The following CNTROB variants were observed in gnomAD, a reference collection of about 807,000 sequenced individuals.
CNTROB encodes centrobin.
Under a neutral mutation model 115.7 loss-of-function variants are expected in CNTROB, and 82 were observed. That is an observed-to-expected ratio of 0.71 (90% CI 0.59 to 0.85). The LOEUF (loss-of-function observed/expected upper bound fraction) is 0.85, where lower values mean the gene tolerates loss of function less well. Ranked by LOEUF, CNTROB falls within the 40% of genes least tolerant of loss-of-function variation. The probability of loss-of-function intolerance (pLI) is 0.00; values close to 1 mark genes in which losing one functional copy is unlikely to be tolerated. For missense variants in CNTROB, 1,014 were observed against 1,144.4 expected, an observed-to-expected ratio of 0.89 and a Z score of 1.64; for synonymous variants, 439 against 456.4, an observed-to-expected ratio of 0.96 and a Z score of 0.49.
Position 7,949,117 on chromosome 17 carries a change from G to A in CNTROB, c.2546G>A (p.Arg849Lys), listed in dbSNP as rs1164916151. 1.2e-6 allele frequency: 2 copies of A among 1,614,012 alleles called. No homozygotes were observed. Among genetic ancestry groups the A allele is most frequent in the Non-Finnish European group, 1.7e-6 (2 of 1,180,014 alleles). Residue 849 changes from arginine to lysine, a missense_variant, in exon 18 of 19, where the codon AGG becomes AAG. Arg to Lys is a conservative substitution (Grantham distance 26). Transcript: ENST00000563694. ...TDGRGDNVPR[R>K]NTDSRLGEIP... The stretch of plus-strand genomic sequence containing the variant: ...GGCCGAGGGGATAATGTCCCCAGAA[G>A]GAACACAGACTCCCGCTTGGGTGAG...
intron 9 of CNTROB, 85 bp downstream of exon 9, chr17:7,940,327 C>T: frequency 7.7e-7 from 1 of 1,305,804 alleles, no homozygotes; most frequent in South Asian, 1.5e-5. Context: ...GTGGCAGACA[C>T]TCCCAGTTCA....
Position 7,939,461 on chromosome 17 carries a change from G to A in CNTROB, c.928-52G>A, listed in dbSNP as rs1973583797. On this transcript the variant is annotated intron_variant, in intron 7 of 18. Coordinates refer to ENST00000563694, the MANE Select transcript of CNTROB (RefSeq NM_053051.5). The surrounding 1 kb of genome is among the most constrained non-coding windows in gnomAD (Gnocchi z 4.4). ...TTGTATGAGGGTCAGAGGGCAGATC[G>A]CTGGTCTCTGAAGAGCCTACTAAGG... The A allele has an allele frequency of 2.7e-6, 4 of 1,461,680 alleles. No individual in the cohort carries two copies. The highest frequency in any genetic ancestry group is 1.4e-5 in the African/African-American group (1 of 71,786). The allele number at this position is 1,461,680 out of a possible 1,614,324, so 90.5% of individuals were successfully genotyped here.
At chr17:7,936,225 T>C (rs1973145622) in intron 4 of CNTROB, 141 bp from the exon 5 acceptor site, 1 of 664,338 alleles carries the variant, frequency 1.5e-6, no homozygotes, top group African/African-American at 1.8e-5. Flanking sequence ...TTTTCCTGAT[T>C]CTCCCTCTCC....
chr17:7,941,087 G>A (rs1973801682), intron 9 of CNTROB, among the ~76,000 whole-genome samples: 1 of 152,218 alleles, frequency 6.6e-6, no homozygotes, highest in Non-Finnish European at 1.5e-5. Flanking sequence ...CCAGCCCATG[G>A]GGGAGACACA....
chr17:7,936,756 T>A lies in CNTROB; in HGVS notation c.767T>A (p.Val256Asp). 6.3e-7 allele frequency: 1 copy of A among 1,575,918 alleles called. No individual in the cohort carries two copies. Among genetic ancestry groups the A allele is most frequent in the Non-Finnish European group, 8.7e-7 (1 of 1,145,138 alleles). The change falls in exon 6 of 19, where the codon GTT (valine) becomes GAT (aspartate). Residue 256 changes from valine to aspartate, a missense_variant. Coordinates refer to ENST00000563694, the MANE Select transcript of CNTROB (RefSeq NM_053051.5). ...CGGCATGAGGCTGAGCGGACAGAGG[T>A]TCTCAGGGGACTTCAAGAGGAACAC... The part of the protein sequence containing the change: ...WNRHEAERTE[V>D]LRGLQEEHQA...
At chr17:7,936,848 C>A (rs781636883) in intron 6 of CNTROB, 31 bp downstream of exon 6, 3 of 895,360 alleles carry the variant, frequency 3.4e-6, no homozygotes, top group African/African-American at 1.6e-5. Flanking sequence ...GGCATTAGAA[C>A]CTGAGTCACA....
At position 7,943,568 on chromosome 17, in the gene CNTROB, G is replaced by A. The variant is rs746572544; in HGVS notation, c.1445+44G>A. On this transcript the variant is annotated intron_variant, in intron 10 of 18. Coordinates refer to ENST00000563694, the MANE Select transcript of CNTROB (RefSeq NM_053051.5). The surrounding 1 kb of genome is among the most constrained non-coding windows in gnomAD (Gnocchi z 4.7). ...GTGTCACTTCTCTCAGCCACAGCAC[G>A]TATCGTTAGTGCCAGGCCTGTGTTC... The A allele has an allele frequency of 5.0e-5, 79 of 1,579,416 alleles. No homozygotes were observed. The Middle Eastern group carries it at 5.7e-4, about 11-fold the overall frequency.
At position 7,943,645 on chromosome 17, in the gene CNTROB, C is replaced by T. The variant is rs2151765733; in HGVS notation, c.1445+121C>T. On this transcript the variant is annotated intron_variant, in intron 10 of 18. Transcript: ENST00000563694. This position sits in a 1 kb window ranked among gnomAD's most constrained non-coding sequence, Gnocchi z 4.7. The stretch of plus-strand genomic sequence containing the variant: ...CACTGTGACTCCCAGGGTGCGCTAA[C>T]TCCCATCAGCTGGGACCTGAGTCTC... 6.6e-6 allele frequency: 7 copies of T among 1,058,110 alleles called. No homozygotes were observed. The highest frequency in any genetic ancestry group is 9.2e-6 in the Non-Finnish European group (7 of 757,546). The allele number at this position is 1,058,110 out of a possible 1,614,324, so 65.5% of individuals were successfully genotyped here.
At position 7,944,703 on chromosome 17, in the gene CNTROB, A is replaced by C; in HGVS notation, c.1734+65A>C. On this transcript the variant is annotated intron_variant, in intron 12 of 18. Transcript: ENST00000563694. The surrounding 1 kb of genome is among the most constrained non-coding windows in gnomAD (Gnocchi z 4.0). ...CTATTTTTATTTTTATTTTTGAGACAGGGTCTCACTCTTGCCCAGGCTGGA... is the reference window on the plus strand; with the variant it reads ...CTATTTTTATTTTTATTTTTGAGACCGGGTCTCACTCTTGCCCAGGCTGGA... The C allele has an allele frequency of 6.6e-7, 1 of 1,526,108 alleles. No homozygotes were observed. Among genetic ancestry groups the C allele is most frequent in the Non-Finnish European group, 8.9e-7 (1 of 1,129,134 alleles). The allele number at this position is 1,526,108 out of a possible 1,614,324, so 94.5% of individuals were successfully genotyped here.
At chr17:7,945,406 T>C (rs1371823223) in intron 12 of CNTROB, 4 of 172,238 alleles carry the variant, frequency 2.3e-5, no homozygotes, top group Non-Finnish European at 4.8e-5. Flanking sequence ...ATACTTATCA[T>C]TTATTTATTT....
chr17:7,934,871 T>C, intron 3 of CNTROB, 118 bp from the exon 4 acceptor site: 1 of 1,169,964 alleles, frequency 8.5e-7, no homozygotes, highest in East Asian at 2.5e-5. Flanking sequence ...CTTTACGACT[T>C]TGGACAAGTC....
chr17:7,946,134 C>T, intron 13 of CNTROB, 148 bp downstream of exon 13: 1 of 707,072 alleles, frequency 1.4e-6, no homozygotes, highest in Non-Finnish European at 2.4e-6. Context: ...AATCTGCTCA[C>T]ATTGGTCCAA....
intron 9 of CNTROB, among the ~76,000 whole-genome samples, chr17:7,942,947 G>A (rs1307017778): frequency 1.3e-5 from 2 of 150,496 alleles, no homozygotes; most frequent in African/African-American, 2.4e-5. Flanking sequence ...GACTACAGGC[G>A]CCCGCCAACA....
Position 7,949,568 on chromosome 17 carries a change from A to G in CNTROB, c.*58A>G. On this transcript the variant is annotated 3_prime_UTR_variant, in exon 19 of 19. Transcript: ENST00000563694. ...ATTGTTGTTATTTTAATAAATGCTC[A>G]TTAGTCTGTATCAGAGTCTCTGGCT... The G allele has an allele frequency of 6.6e-7, 1 of 1,518,734 alleles. No individual in the cohort carries two copies. The highest frequency in any genetic ancestry group is 8.9e-7 in the Non-Finnish European group (1 of 1,129,038). 94.1% of individuals were successfully genotyped at this position (1,518,734 alleles called of 1,614,324 possible).
chr17:7,940,779 A>G (rs1272425258), intron 9 of CNTROB, among the ~76,000 whole-genome samples: 1 of 152,234 alleles, frequency 6.6e-6, no homozygotes, highest in Non-Finnish European at 1.5e-5. Flanking sequence ...CCATCTAGCT[A>G]ACACACTGAA....
At position 7,939,604 on chromosome 17, in the gene CNTROB, G is replaced by C. The variant is rs1299283589; in HGVS notation, c.1019G>C (p.Gly340Ala). The change falls in exon 8 of 19, where the codon GGG becomes GCG. Residue 340 changes from glycine (G) to alanine (A), a missense_variant. By Grantham distance (60) the Gly-to-Ala change is moderately conservative. Coordinates refer to ENST00000563694, the MANE Select transcript of CNTROB (RefSeq NM_053051.5). The surrounding 1 kb of genome is among the most constrained non-coding windows in gnomAD (Gnocchi z 4.4). ...GAAGAGCGGGATGCAGCTCGGGCTG[G>C]GCAACTGAGTGAGCATCGAGAGTTG... Reference protein sequence around the residue: ...LQEERDAARAGQLSEHRELET... With the variant: ...LQEERDAARAAQLSEHRELET... 6.2e-7 allele frequency: 1 copy of C among 1,614,060 alleles called. No individual in the cohort carries two copies. The highest frequency in any genetic ancestry group is 8.5e-7 in the Non-Finnish European group (1 of 1,180,000).
At position 7,944,312 on chromosome 17, in the gene CNTROB, G is replaced by T. The variant is rs753385313; in HGVS notation, c.1571+64G>T. The T allele has an allele frequency of 1.3e-6, 2 of 1,586,558 alleles. No individual in the cohort carries two copies. Among genetic ancestry groups the T allele is most frequent in the South Asian group, 2.2e-5 (2 of 90,364 alleles). ...CTTTCCCATGGGTAGAGCCCAAACT[G>T]GGAACGGTGAAGAGCTGCTCCCTTG... is the stretch of plus-strand genomic sequence containing the variant. On this transcript the variant is annotated intron_variant, in intron 11 of 18. Coordinates refer to ENST00000563694, the MANE Select transcript of CNTROB (RefSeq NM_053051.5). This position sits in a 1 kb window ranked among gnomAD's most constrained non-coding sequence, Gnocchi z 4.0.
chr17:7,947,519 C>A lies in CNTROB; in HGVS notation c.1994-52C>A. ...TAGGTGAGTTGATTTGTGGAGAAGC[C>A]CCTTCCCCCCTGAACACACTTGCAC... On this transcript the variant is annotated intron_variant, in intron 13 of 18. Transcript: ENST00000563694. The A allele has an allele frequency of 6.7e-6, 10 of 1,496,106 alleles. No homozygotes were observed. The South Asian group carries it at 1.4e-4, about 21-fold the overall frequency. 92.7% of individuals were successfully genotyped at this position (1,496,106 alleles called of 1,614,324 possible).
intron 12 of CNTROB, 103 bp from the exon 13 acceptor site, chr17:7,945,625 A>G (rs1014516104): frequency 7.2e-6 from 9 of 1,250,772 alleles, no homozygotes; most frequent in Non-Finnish European, 1.0e-5. Flanking sequence ...GGTGTGAGCC[A>G]CTGCATCCGG....
Sources: gnomAD v4.1 joint callset for allele counts (sites outside exome capture counted in the v4.1 genomes callset) on GRCh38, gnomAD v4.1.1 for gene constraint, Gnocchi (gnomAD v3.1) non-coding constraint, MANE v1.5 for transcripts, NCBI Gene and HGNC (gene_info 2026-07-23, HGNC 2026-07-21) for gene names.